The following GALNTL6 variants were observed in gnomAD, a reference collection of about 807,000 sequenced individuals.
GALNTL6 encodes polypeptide N-acetylgalactosaminyltransferase like 6.
Under a neutral mutation model 73.7 loss-of-function variants are expected in GALNTL6, and 46 were observed. The observed-to-expected ratio is 0.62, with a 90% CI of 0.49 to 0.80. The LOEUF (loss-of-function observed/expected upper bound fraction) is 0.80, where lower values mean the gene tolerates loss of function less well. GALNTL6 is among the 30% of genes least tolerant of loss of function. GALNTL6 has a pLI of 0.00. For synonymous variants in GALNTL6, 259 were observed against 263.7 expected (o/e 0.98, Z 0.17); for missense variants, 604 against 755.0 (o/e 0.80, Z 2.34).
chr4:172,359,030 G>C (rs902087281), intron 5 of GALNTL6, among the ~76,000 whole-genome samples: 2 of 152,018 alleles, frequency 1.3e-5, no homozygotes, highest in African/African-American at 2.4e-5. Context: ...TCCATTACTG[G>C]GTATGTACCC....
At chr4:172,117,014 AT>A (rs1252338538) in intron 2 of GALNTL6, among the ~76,000 whole-genome samples, 1 of 152,192 alleles carries the variant, frequency 6.6e-6, no homozygotes, top group Non-Finnish European at 1.5e-5. Context: ...TGTATAATGT[AT>A]TATATAGTTT....
intron 10 of GALNTL6, among the ~76,000 whole-genome samples, chr4:173,005,283 C>G (rs1009341365): frequency 1.3e-5 from 2 of 152,196 alleles, no homozygotes; most frequent in Non-Finnish European, 2.9e-5. Context: ...AGCACTGCCT[C>G]ATTTTCTAAT....
At chr4:172,978,396 T>C (rs1014590464) in intron 10 of GALNTL6, among the ~76,000 whole-genome samples, 2 of 152,144 alleles carry the variant, frequency 1.3e-5, no homozygotes, top group Admixed American at 6.5e-5. Context: ...TTTTGAGCAA[T>C]AGACATCTCA....
At chr4:172,560,268 A>C (rs1736305421) in intron 5 of GALNTL6, among the ~76,000 whole-genome samples, 2 of 152,234 alleles carry the variant, frequency 1.3e-5, no homozygotes, top group South Asian at 4.1e-4. Flanking sequence ...GGAGGCCAGC[A>C]GTTCAAAACC....
intron 5 of GALNTL6, among the ~76,000 whole-genome samples, chr4:172,776,510 T>C (rs1442557976): frequency 6.6e-6 from 1 of 152,252 alleles, no homozygotes; most frequent in African/African-American, 2.4e-5. Flanking sequence ...ATTATTTAGA[T>C]ATTTTTTTAG....
chr4:172,156,166 G>A (rs558611743), intron 2 of GALNTL6, among the ~76,000 whole-genome samples: 67 of 152,154 alleles, frequency 4.4e-4, no homozygotes, highest in African/African-American at 1.5e-3. Context: ...GGAAGTGTCC[G>A]AGTCTGAAGT....
intron 2 of GALNTL6, among the ~76,000 whole-genome samples, chr4:171,928,651 G>A (rs1017156268): frequency 6.6e-6 from 1 of 152,220 alleles, no homozygotes; most frequent in Non-Finnish European, 1.5e-5. Flanking sequence ...GACCACATAT[G>A]CAACAGTGGT....
intron 6 of GALNTL6, among the ~76,000 whole-genome samples, chr4:172,810,692 G>A (rs1326850257): frequency 5.3e-5 from 8 of 152,106 alleles, no homozygotes; most frequent in African/African-American, 9.7e-5. Flanking sequence ...AGCCACATAC[G>A]CCTGCACAGG....
At chr4:172,111,185 G>T (rs75809683) in intron 2 of GALNTL6, among the ~76,000 whole-genome samples, 24 of 151,586 alleles carry the variant, frequency 1.6e-4, no homozygotes, top group African/African-American at 5.1e-4. Context: ...ATAAATTGAG[G>T]TTTTCTCATA....
At chr4:172,795,084 T>C (rs1292215477) in intron 5 of GALNTL6, among the ~76,000 whole-genome samples, 1 of 151,896 alleles carries the variant, frequency 6.6e-6, no homozygotes, top group Admixed American at 6.6e-5. Flanking sequence ...CCTCGCAAAA[T>C]GGAGTAGGTA....
chr4:172,207,648 C>A (rs1441146214), intron 2 of GALNTL6, among the ~76,000 whole-genome samples: 1 of 152,146 alleles, frequency 6.6e-6, no homozygotes, highest in East Asian at 1.9e-4. Flanking sequence ...GATCTGGAAC[C>A]AGACTACTGA....
chr4:172,979,167 G>T (rs1211491873), intron 10 of GALNTL6, among the ~76,000 whole-genome samples: 3 of 152,174 alleles, frequency 2.0e-5, no homozygotes, highest in Non-Finnish European at 2.9e-5. Flanking sequence ...GAGTGTTGGG[G>T]TTTTTTAATG....
At chr4:172,025,130 A>T (rs111265389) in intron 2 of GALNTL6, among the ~76,000 whole-genome samples, 59 of 152,092 alleles carry the variant, frequency 3.9e-4, no homozygotes, top group East Asian at 1.9e-3. Context: ...GTTTTTACAG[A>T]TAATGTCTGT....
chr4:172,367,651 G>T (rs1014199991), intron 5 of GALNTL6, among the ~76,000 whole-genome samples: 1 of 152,112 alleles, frequency 6.6e-6, no homozygotes, highest in Non-Finnish European at 1.5e-5. Flanking sequence ...GAATATCTCA[G>T]TTCTGTCATC....
At chr4:172,827,224 T>G (rs893928819) in intron 7 of GALNTL6, among the ~76,000 whole-genome samples, 1 of 152,136 alleles carries the variant, frequency 6.6e-6, no homozygotes, top group Non-Finnish European at 1.5e-5. Flanking sequence ...GCCCTAGCTT[T>G]GGTTTGTTCA....
At chr4:172,406,588 C>T (rs1036875785) in intron 5 of GALNTL6, among the ~76,000 whole-genome samples, 4 of 151,778 alleles carry the variant, frequency 2.6e-5, no homozygotes, top group Non-Finnish European at 5.9e-5. Context: ...TTCTTCTGTT[C>T]CTAAAGACCT....
At chr4:171,903,483 G>C (rs990867356) in intron 2 of GALNTL6, among the ~76,000 whole-genome samples, 2 of 152,070 alleles carry the variant, frequency 1.3e-5, no homozygotes, top group Non-Finnish European at 2.9e-5. Context: ...CACGTGGCTC[G>C]GAGGGTCCCA....
intron 5 of GALNTL6, among the ~76,000 whole-genome samples, chr4:172,775,706 G>C (rs1221894258): frequency 6.6e-6 from 1 of 152,126 alleles, no homozygotes; most frequent in Non-Finnish European, 1.5e-5. Flanking sequence ...TTTGAATGCA[G>C]GTAGAGCCTG....
intron 2 of GALNTL6, among the ~76,000 whole-genome samples, chr4:172,002,056 C>T (rs1015367617): frequency 1.3e-4 from 20 of 152,246 alleles, no homozygotes; most frequent in Non-Finnish European, 2.6e-4. Flanking sequence ...ACCCACCACA[C>T]TCTCCCTTTA....
Sources: gnomAD v4.1 joint callset for allele counts (sites outside exome capture counted in the v4.1 genomes callset) on GRCh38, gnomAD v4.1.1 for gene constraint, MANE v1.5 for transcripts, NCBI Gene and HGNC (gene_info 2026-07-23, HGNC 2026-07-21) for gene names.